The following NCALD variants were observed in gnomAD, a reference collection of about 807,000 sequenced individuals.
NCALD encodes the protein neurocalcin-delta.
NCALD carries 10 observed loss-of-function variants against 18.6 expected under a neutral mutation model. The ratio of observed to expected loss-of-function variants is 0.54; its 90% confidence interval spans 0.33 to 0.91. NCALD has a LOEUF of 0.91. Among genes scored for constraint, NCALD ranks in the 40% least tolerant of loss-of-function variants. The pLI is 0.03. For synonymous variants in NCALD, 88 were observed against 87.4 expected (o/e 1.01, Z -0.04); for missense variants, 184 against 247.6 (o/e 0.74, Z 1.72).
intron 3 of NCALD, among the ~76,000 whole-genome samples, chr8:101,901,905 C>T (rs956495393): frequency 2.0e-5 from 3 of 152,072 alleles, no homozygotes; most frequent in Admixed American, 1.3e-4. Context: ...ATTCTCCTGC[C>T]TCAGCCGCCC....
chr8:101,763,998 ACACACACACACACACACC>A (rs1435799061), intron 1 of NCALD, among the ~76,000 whole-genome samples: 92 of 102,540 alleles, frequency 9.0e-4, no homozygotes, highest in Middle Eastern at 4.7e-3. Flanking sequence ...ACACACACAC[ACACACACACACACACACC>A]CCCTATTGGT....
At chr8:101,911,427 G>A (rs1179634186) in intron 3 of NCALD, among the ~76,000 whole-genome samples, 2 of 148,140 alleles carry the variant, frequency 1.4e-5, no homozygotes, top group Admixed American at 6.8e-5. Context: ...GCGCGATCTC[G>A]GCTCACTGCA....
intron 1 of NCALD, among the ~76,000 whole-genome samples, chr8:102,058,907 G>A (rs189268267): frequency 6.6e-5 from 10 of 152,266 alleles, no homozygotes; most frequent in South Asian, 2.1e-4. Context: ...TCTGTCCACC[G>A]TCACTGTCTT....
rs183951968 is a variant in NCALD, at chr8:102,040,152, G to A, written c.-209-19863C>T. ...TACATAAAGTCTAGCTTATAGTGAG[G>A]ATTGGATACATGTTTATTGCTATTT... is the stretch of plus-strand genomic sequence containing the variant. On this transcript the variant is annotated intron_variant, in intron 1 of 6. Transcript: ENST00000311028. Among the ~76,000 whole-genome samples the A allele has an allele frequency of 5.3e-3, 803 of 152,236 alleles. 2 individuals carry two copies. Among genetic ancestry groups the A allele is most frequent in the Middle Eastern group, 0.01 (3 of 294 alleles).
At chr8:101,896,214 A>G (rs1817164062) in intron 3 of NCALD, among the ~76,000 whole-genome samples, 1 of 152,108 alleles carries the variant, frequency 6.6e-6, no homozygotes, top group South Asian at 2.1e-4. Flanking sequence ...AATGCCACAT[A>G]TCTACAACCA....
At chr8:102,092,164 G>T (rs1050977730) in intron 1 of NCALD, among the ~76,000 whole-genome samples, 2 of 152,190 alleles carry the variant, frequency 1.3e-5, no homozygotes, top group African/African-American at 2.4e-5. Flanking sequence ...ACAGTGACCT[G>T]GTCGTCCTCA....
chr8:102,090,230 T>C (rs577178602), intron 1 of NCALD, among the ~76,000 whole-genome samples: 1 of 152,362 alleles, frequency 6.6e-6, no homozygotes, highest in Non-Finnish European at 1.5e-5. Flanking sequence ...TGACTTAGTG[T>C]ATGTTATCAA....
chr8:102,051,986 G>A (rs1218322389), intron 1 of NCALD, among the ~76,000 whole-genome samples: 3 of 152,118 alleles, frequency 2.0e-5, no homozygotes, highest in Admixed American at 6.6e-5. Context: ...TCCAAACAGC[G>A]ACTTGCCCAG....
intron 1 of NCALD, among the ~76,000 whole-genome samples, chr8:101,782,910 C>T (rs1475075434): frequency 1.3e-5 from 2 of 152,198 alleles, no homozygotes; most frequent in East Asian, 1.9e-4. Flanking sequence ...AATGCAGATG[C>T]CATCCAGCCT....
chr8:101,751,339 C>T (rs572524382), intron 1 of NCALD, among the ~76,000 whole-genome samples: 33 of 151,966 alleles, frequency 2.2e-4, no homozygotes, highest in African/African-American at 3.1e-4. Context: ...ACTGGGATGT[C>T]GGGGCGTGGG....
At chr8:102,116,817 C>G (rs1465759909) in intron 1 of NCALD, among the ~76,000 whole-genome samples, 1 of 152,130 alleles carries the variant, frequency 6.6e-6, no homozygotes, top group Non-Finnish European at 1.5e-5. Context: ...CATAACCAAG[C>G]TTTAACCCCC....
At chr8:101,732,731 G>A (rs1816897056) in intron 1 of NCALD, among the ~76,000 whole-genome samples, 2 of 150,940 alleles carry the variant, frequency 1.3e-5, no homozygotes, top group South Asian at 2.1e-4. Context: ...AGCCTCTGGA[G>A]TAGCTGAGAC....
At chr8:101,758,298 C>T (rs1010249224) in intron 1 of NCALD, among the ~76,000 whole-genome samples, 12 of 152,120 alleles carry the variant, frequency 7.9e-5, no homozygotes, top group African/African-American at 2.9e-4. Context: ...CTTAGCAGGC[C>T]CCAGCTCTCC....
chr8:101,805,160 C>G (rs988239930), intron 4 of NCALD, among the ~76,000 whole-genome samples: 1 of 152,076 alleles, frequency 6.6e-6, no homozygotes, highest in African/African-American at 2.4e-5. Flanking sequence ...AACATTCATT[C>G]AAGAAAATAT....
intron 4 of NCALD, among the ~76,000 whole-genome samples, chr8:101,807,780 A>G (rs1813157730): frequency 6.6e-6 from 1 of 152,354 alleles, no homozygotes; most frequent in African/African-American, 2.4e-5. Flanking sequence ...TATAATTTAC[A>G]TAGCACTTTC....
intron 4 of NCALD, among the ~76,000 whole-genome samples, chr8:101,831,184 T>C (rs1814169805): frequency 6.6e-6 from 1 of 152,226 alleles, no homozygotes; most frequent in Non-Finnish European, 1.5e-5. Flanking sequence ...CAATAGATTC[T>C]CCTGTACACC....
chr8:101,921,755 AT>A (rs1322726304), intron 2 of NCALD, among the ~76,000 whole-genome samples: 1 of 152,148 alleles, frequency 6.6e-6, no homozygotes, highest in Non-Finnish European at 1.5e-5. Context: ...CAGATTCTTA[AT>A]TTTTTCCTTA....
At chr8:101,815,236 A>G (rs1305894753) in intron 4 of NCALD, among the ~76,000 whole-genome samples, 1 of 152,152 alleles carries the variant, frequency 6.6e-6, no homozygotes, top group Non-Finnish European at 1.5e-5. Context: ...AGCTACAGTA[A>G]TAAGACAGTG....
intron 1 of NCALD, among the ~76,000 whole-genome samples, chr8:102,092,239 T>C (rs373043765): frequency 4.6e-5 from 7 of 152,244 alleles, no homozygotes; most frequent in African/African-American, 1.7e-4. Context: ...GAACTTACTC[T>C]GTATGGTCTA....
Sources: gnomAD v4.1 joint callset for allele counts (sites outside exome capture counted in the v4.1 genomes callset) on GRCh38, gnomAD v4.1.1 for gene constraint, MANE v1.5 for transcripts, NCBI Gene and HGNC (gene_info 2026-07-23, HGNC 2026-07-21) for gene names.